The following RABEP1 variants were observed in gnomAD, a reference collection of about 807,000 sequenced individuals.
The protein encoded by RABEP1 is rabaptin, RAB GTPase binding effector protein 1.
A neutral mutation model predicts 123.4 loss-of-function variants in RABEP1; 51 were observed. The observed-to-expected ratio is 0.41, with a 90% confidence interval of 0.33 to 0.52. RABEP1 has a LOEUF of 0.52. Ranked by LOEUF, RABEP1 falls within the 20% of genes least tolerant of loss-of-function variation. RABEP1 has a pLI of 0.16. For synonymous variants in RABEP1, 347 were observed against 355.2 expected, an observed-to-expected ratio of 0.98 and a Z score of 0.26; for missense variants, 888 against 996.3, an observed-to-expected ratio of 0.89 and a Z score of 1.46.
intron 5 of RABEP1, among the ~76,000 whole-genome samples, chr17:5,341,894 A>T (rs919127905): frequency 6.6e-6 from 1 of 152,242 alleles, no homozygotes; most frequent in Non-Finnish European, 1.5e-5. Context: ...GTAAAGGGCT[A>T]TTTATCAAAC....
In RABEP1 at chr17:5,383,276, G is replaced by C; in HGVS notation, c.*53G>C. 1 of 1,343,834 alleles carries C rather than the reference G, an allele frequency of 7.4e-7. No homozygotes were observed. Among genetic ancestry groups the C allele is most frequent in the South Asian group, 1.2e-5 (1 of 84,898 alleles). The allele number at this position is 1,343,834 out of a possible 1,614,324, so 83.2% of individuals were successfully genotyped here. ...ACTTTGGGTTTTTAACTCATCTTTA[G>C]AGCAACAGTAATTATTATTTAACTC... is the stretch of plus-strand genomic sequence containing the variant. On this transcript the variant is annotated 3_prime_UTR_variant, in exon 18 of 18. Transcript: ENST00000537505.
At chr17:5,287,744 AC>A (rs1322580074) in intron 1 of RABEP1, among the ~76,000 whole-genome samples, 1 of 151,928 alleles carries the variant, frequency 6.6e-6, no homozygotes, top group East Asian at 1.9e-4. Context: ...ATATGGCAAA[AC>A]CGCATCTCTA....
At position 5,367,606 on chromosome 17, in the gene RABEP1, C is replaced by T. The variant is rs192077635; in HGVS notation, c.1786-764C>T. 2.5e-3 allele frequency among the ~76,000 whole-genome samples: 378 copies of T among 151,034 alleles called. 13 individuals are homozygous for T. The highest frequency in any genetic ancestry group is 4.5e-3 in the Non-Finnish European group (308 of 67,738). ...TTTTTTTAAAAAAAGTATGGATAGC[C>T]AATTTCTGTATGACTTGGTGAAAAG... On this transcript the variant is annotated intron_variant, in intron 11 of 17. Transcript: ENST00000537505.
At chr17:5,326,515 G>T (rs1414707742) in intron 2 of RABEP1, among the ~76,000 whole-genome samples, 1 of 152,192 alleles carries the variant, frequency 6.6e-6, no homozygotes, top group African/African-American at 2.4e-5. Flanking sequence ...AGAGTACAGA[G>T]AATTTTTAGA....
At position 5,361,219 on chromosome 17, in the gene RABEP1, C is replaced by A; in HGVS notation, c.1107C>A (p.Asp369Glu). The A allele has an allele frequency of 6.2e-7, 1 of 1,613,076 alleles. No individual in the cohort carries two copies. The highest frequency in any genetic ancestry group is 8.5e-7 in the Non-Finnish European group (1 of 1,179,306). Reference sequence around the variant, plus strand: ...TTTTCACATTTCAGGAGCATTTAGACAGCACCCGTGGCTCAGTTCATTCCT... The same window carrying A: ...TTTTCACATTTCAGGAGCATTTAGAAAGCACCCGTGGCTCAGTTCATTCCT... ...AQLSNEEEHL[D>E]STRGSVHSLD... Residue 369 changes from aspartate (D) to glutamate (E), a missense_variant, in exon 9 of 18, where the codon GAC (aspartate) becomes GAA (glutamate). Transcript: ENST00000537505.
intron 7 of RABEP1, among the ~76,000 whole-genome samples, chr17:5,353,341 G>A (rs1396722084): frequency 6.6e-6 from 1 of 152,134 alleles, no homozygotes; most frequent in Non-Finnish European, 1.5e-5. Flanking sequence ...GGTTCCTTCA[G>A]ATGAAATCAG....
intron 1 of RABEP1, among the ~76,000 whole-genome samples, chr17:5,286,929 G>A (rs2074984093): frequency 1.3e-5 from 2 of 152,192 alleles, no homozygotes; most frequent in Non-Finnish European, 2.9e-5. Flanking sequence ...GATGACATTT[G>A]TGCAAAGACT....
At chr17:5,316,504 C>CA (rs1196676232) in intron 2 of RABEP1, among the ~76,000 whole-genome samples, 1 of 136,800 alleles carries the variant, frequency 7.3e-6, no homozygotes, top group African/African-American at 2.7e-5. Context: ...TAGACATTCG[C>CA]AAAAAGAAAA....
At chr17:5,363,137 G>C (rs944471860) in intron 10 of RABEP1, 121 bp downstream of exon 10, 2 of 701,016 alleles carry the variant, frequency 2.9e-6, no homozygotes, top group Non-Finnish European at 5.0e-6. Context: ...ATCTTGTTAA[G>C]TTATGAAATA....
intron 2 of RABEP1, among the ~76,000 whole-genome samples, chr17:5,316,908 T>A (rs77051371): frequency 0.049 from 7,397 of 151,612 alleles, 238 homozygotes; most frequent in Non-Finnish European, 0.069. Context: ...AATTTTTTTT[T>A]AATGTTTATC....
rs55736303 is a variant in RABEP1, at chr17:5,373,693, A to AACACACACACACACACAC, written c.2025+266_2025+283dup. 1.1e-3 allele frequency among the ~76,000 whole-genome samples: 145 copies of AACACACACACACACACAC among 135,324 alleles called. 2 individuals carry two copies. Among genetic ancestry groups the AACACACACACACACACAC allele is most frequent in the Non-Finnish European group, 1.8e-3 (113 of 62,526 alleles). The allele number at this position is 135,324 out of a possible 152,430, so 88.8% of individuals were successfully genotyped here. Reference sequence around the variant, plus strand: ...CCCTGTGACCCGACTACACCAGCTAAACACACACACACACACACACACACA... The same window carrying AACACACACACACACACAC: ...CCCTGTGACCCGACTACACCAGCTAAACACACACACACACACACACACACACACACACACACACACACA... On this transcript the variant is annotated intron_variant, in intron 13 of 17. Coordinates refer to ENST00000537505, the MANE Select transcript of RABEP1 (RefSeq NM_004703.6).
intron 1 of RABEP1, among the ~76,000 whole-genome samples, chr17:5,303,985 G>A (rs1001713987): frequency 6.7e-6 from 1 of 150,148 alleles, no homozygotes; most frequent in Admixed American, 6.7e-5. Flanking sequence ...TGTGAGCCGA[G>A]ATTGCACCAT....
chr17:5,361,437 T>A lies in RABEP1; in HGVS notation c.1325T>A (p.Leu442Gln). The stretch of plus-strand genomic sequence containing the variant: ...CTGGACGAGTCAGATTTTGGACCAC[T>A]GGTAGGAGCAGATTCAGTGTCTGAG... Reference protein sequence around the residue: ...GNLDESDFGPLVGADSVSENF... With the variant: ...GNLDESDFGPQVGADSVSENF... The change falls in exon 9 of 18, where the codon CTG becomes CAG. Residue 442 changes from leucine to glutamine, a missense_variant. Leu to Gln is a moderately radical substitution (Grantham distance 113, BLOSUM62 -2). Coordinates refer to ENST00000537505, the MANE Select transcript of RABEP1 (RefSeq NM_004703.6). 1 of 1,614,162 alleles carries A rather than the reference T, an allele frequency of 6.2e-7. No individual in the cohort carries two copies. Among genetic ancestry groups the A allele is most frequent in the Non-Finnish European group, 8.5e-7 (1 of 1,180,012 alleles).
intron 1 of RABEP1, among the ~76,000 whole-genome samples, chr17:5,296,820 C>A (rs1475902696): frequency 6.6e-6 from 1 of 152,198 alleles, no homozygotes; most frequent in African/African-American, 2.4e-5. Context: ...AGTCATGGCT[C>A]ACGGTAGCCT....
In RABEP1 at chr17:5,384,833, T is replaced by C. The variant is rs1285612574; in HGVS notation, c.*1610T>C. The C allele has an allele frequency of 4.6e-6, 1 of 217,586 alleles. No homozygotes were observed. Among genetic ancestry groups the C allele is most frequent in the Non-Finnish European group, 9.2e-6 (1 of 108,582 alleles). 13.5% of individuals were successfully genotyped at this position (217,586 alleles called of 1,614,324 possible). ...TTTAGATAAAGGAAACATATAACTATTGAGTTACAGGGGATTTTATTAATT... is the reference window on the plus strand; with the variant it reads ...TTTAGATAAAGGAAACATATAACTACTGAGTTACAGGGGATTTTATTAATT... On this transcript the variant is annotated 3_prime_UTR_variant, in exon 18 of 18. Coordinates refer to ENST00000537505, the MANE Select transcript of RABEP1 (RefSeq NM_004703.6).
chr17:5,287,177 G>T lies in RABEP1; in HGVS notation c.34+4657G>T, dbSNP rs149028505. Among the ~76,000 whole-genome samples the T allele has an allele frequency of 1.7e-3, 254 of 152,304 alleles. 4 individuals carry two copies. Among genetic ancestry groups the T allele is most frequent in the Non-Finnish European group, 3.2e-4 (22 of 68,020 alleles). Reference sequence around the variant, plus strand: ...TCTTGGGCCCTAGAAGTATTGCAAAGATTGGTTTTCACTATGGGGAACCAT... The same window carrying T: ...TCTTGGGCCCTAGAAGTATTGCAAATATTGGTTTTCACTATGGGGAACCAT... On this transcript the variant is annotated intron_variant, in intron 1 of 17. Transcript: ENST00000537505.
intron 2 of RABEP1, among the ~76,000 whole-genome samples, chr17:5,320,421 CAAA>C (rs60202531): frequency 0.019 from 1,593 of 84,638 alleles, 17 homozygotes; most frequent in African/African-American, 0.059. Context: ...GCTAACACAC[CAAA>C]AAAAAAAAAA....
intron 7 of RABEP1, among the ~76,000 whole-genome samples, chr17:5,352,743 A>G (rs1012354592): frequency 6.6e-6 from 1 of 151,960 alleles, no homozygotes; most frequent in Admixed American, 6.6e-5. Context: ...AGGCAGGAGA[A>G]TCACTTGAAC....
intron 2 of RABEP1, among the ~76,000 whole-genome samples, chr17:5,316,662 G>T (rs917255737): frequency 1.3e-5 from 2 of 150,560 alleles, no homozygotes; most frequent in South Asian, 4.2e-4. Flanking sequence ...GTGAAACCCC[G>T]TATCTACTAG....
Sources: allele counts gnomAD v4.1 joint callset (sites outside exome capture counted in the v4.1 genomes callset), GRCh38; gene constraint gnomAD v4.1.1; transcripts MANE v1.5; gene names NCBI Gene and HGNC (gene_info 2026-07-23, HGNC 2026-07-21).